FAM171A1: variants seen among roughly 807,000 people sequenced by gnomAD.
The protein encoded by FAM171A1 is protein FAM171A1.
A neutral mutation model predicts 74.9 loss-of-function variants in FAM171A1; 23 were observed. The observed-to-expected ratio is 0.31, with a 90% CI of 0.22 to 0.44. The LOEUF (loss-of-function observed/expected upper bound fraction) is 0.44. Ranked by LOEUF, FAM171A1 falls within the 20% of genes least tolerant of loss-of-function variation. The probability of loss-of-function intolerance (pLI) is 1.00; values close to 1 mark genes in which losing one functional copy is unlikely to be tolerated. For missense variants in FAM171A1, 1,162 were observed against 1,159.2 expected (o/e 1.00, Z -0.03); for synonymous variants, 527 against 505.7 (o/e 1.04, Z -0.57).
At chr10:15,285,412 G>C (rs553223386) in intron 1 of FAM171A1, among the ~76,000 whole-genome samples, 98 of 152,326 alleles carry the variant, frequency 6.4e-4, no homozygotes, top group Non-Finnish European at 3.1e-4. Context: ...TCAAATTTAT[G>C]TTACAGAAAC....
At chr10:15,312,606 T>G (rs1306257719) in intron 1 of FAM171A1, among the ~76,000 whole-genome samples, 2 of 149,616 alleles carry the variant, frequency 1.3e-5, no homozygotes, top group African/African-American at 4.9e-5. Flanking sequence ...CTGAACTGTT[T>G]GTTACTCTTT....
intron 1 of FAM171A1, among the ~76,000 whole-genome samples, chr10:15,298,034 A>G (rs185402554): frequency 8.5e-5 from 13 of 152,362 alleles, no homozygotes; most frequent in Admixed American, 6.5e-4. Flanking sequence ...TAATGTTCAC[A>G]AGCAAAATTA....
intron 3 of FAM171A1, among the ~76,000 whole-genome samples, chr10:15,259,159 C>T (rs1041817811): frequency 2.6e-5 from 4 of 152,204 alleles, no homozygotes; most frequent in Non-Finnish European, 5.9e-5. Flanking sequence ...CATCATTCTC[C>T]CTATCTATCA....
chr10:15,325,183 T>G (rs1272927757), intron 1 of FAM171A1, among the ~76,000 whole-genome samples: 1 of 152,188 alleles, frequency 6.6e-6, no homozygotes, highest in Non-Finnish European at 1.5e-5. Context: ...CAGCTGTTCT[T>G]TCTGAAGCAG....
At chr10:15,292,414 T>A (rs1017394655) in intron 1 of FAM171A1, among the ~76,000 whole-genome samples, 1 of 152,206 alleles carries the variant, frequency 6.6e-6, no homozygotes, top group African/African-American at 2.4e-5. Context: ...CCATCCCCAC[T>A]TTTTTGCTGA....
intron 3 of FAM171A1, among the ~76,000 whole-genome samples, chr10:15,256,702 G>C (rs764354976): frequency 6.6e-6 from 1 of 152,048 alleles, no homozygotes; most frequent in Non-Finnish European, 1.5e-5. Context: ...ATTTTCCCTC[G>C]ATGTTACAGA....
chr10:15,229,927 T>TCACCATCACCACCATCACCACCATCAC (rs1834182182), intron 5 of FAM171A1, among the ~76,000 whole-genome samples: 4 of 129,598 alleles, frequency 3.1e-5, no homozygotes, highest in African/African-American at 1.2e-4. Context: ...ACCAACATCA[T>TCACCATCACCACCATCACCACCATCAC]CATCATCACC....
intron 1 of FAM171A1, among the ~76,000 whole-genome samples, chr10:15,347,444 A>G (rs908232309): frequency 2.6e-5 from 4 of 152,232 alleles, no homozygotes; most frequent in Non-Finnish European, 5.9e-5. Context: ...CACAAACAGC[A>G]TCGGTAAGAC....
At chr10:15,315,589 A>T (rs796150248) in intron 1 of FAM171A1, among the ~76,000 whole-genome samples, 5 of 152,328 alleles carry the variant, frequency 3.3e-5, no homozygotes, top group African/African-American at 1.2e-4. Flanking sequence ...TAGCACTTGT[A>T]TCTGGGCAAA....
chr10:15,312,009 C>T (rs999173407), intron 1 of FAM171A1, among the ~76,000 whole-genome samples: 6 of 152,196 alleles, frequency 3.9e-5, no homozygotes, highest in African/African-American at 9.6e-5. Context: ...TTTTTAAAGA[C>T]AAGGAAGCTG....
Position 15,248,655 on chromosome 10 carries a change from C to A in FAM171A1, c.738G>T (p.Arg246=). 6.2e-7 allele frequency: 1 copy of A among 1,607,946 alleles called. No individual in the cohort carries two copies. Among genetic ancestry groups the A allele is most frequent in the Non-Finnish European group, 8.5e-7 (1 of 1,177,144 alleles). The change falls in exon 5 of 8, where the codon CGG becomes CGT. Residue 246 remains arginine, a synonymous_variant. Coordinates refer to ENST00000378116, the MANE Select transcript of FAM171A1 (RefSeq NM_001010924.2). ...LRHNAYVAAW[R]FDQKLGTWLK... is the part of the protein sequence containing the mutation. ...CTTGCTTACCCAGCTTCTGGTCAAA[C>A]CGCCACGCCGCGACATAGGCATTGT...
chr10:15,331,886 T>TATATATAG (rs1835642344), intron 1 of FAM171A1, among the ~76,000 whole-genome samples: 1 of 137,488 alleles, frequency 7.3e-6, no homozygotes, highest in Non-Finnish European at 1.6e-5. Context: ...TATACATATA[T>TATATATAG]ATATATATAT....
rs140194011 is a variant in FAM171A1 at position 15,327,884 on chromosome 10, C to T, written c.97+43072G>A. Among the ~76,000 whole-genome samples the T allele has an allele frequency of 4.0e-3, 599 of 149,896 alleles. 3 individuals carry two copies. Among genetic ancestry groups the T allele is most frequent in the South Asian group, 0.012 (54 of 4,692 alleles). Reference sequence around the variant, plus strand: ...TAAACCCTACCACCCCCGTGACACACAATTTACCCATATCACAAACCTGTA... The same window carrying T: ...TAAACCCTACCACCCCCGTGACACATAATTTACCCATATCACAAACCTGTA... On this transcript the variant is annotated intron_variant, in intron 1 of 7. Coordinates refer to ENST00000378116, the MANE Select transcript of FAM171A1 (RefSeq NM_001010924.2).
chr10:15,310,259 A>G (rs1336280774), intron 1 of FAM171A1, among the ~76,000 whole-genome samples: 1 of 152,208 alleles, frequency 6.6e-6, no homozygotes, highest in Admixed American at 6.5e-5. Context: ...TTTTTTATGT[A>G]TGGGATAATC....
intron 1 of FAM171A1, among the ~76,000 whole-genome samples, chr10:15,334,649 G>C (rs1443469170): frequency 6.6e-6 from 1 of 152,154 alleles, no homozygotes; most frequent in Non-Finnish European, 1.5e-5. Flanking sequence ...GAGGGACCCT[G>C]AGTTAAACAA....
chr10:15,215,941 A>G, intron 7 of FAM171A1, 55 bp downstream of exon 7: 1 of 1,180,214 alleles, frequency 8.5e-7, no homozygotes, highest in Non-Finnish European at 1.2e-6. Flanking sequence ...CTAAGTATCA[A>G]TTGCCCAAGA....
chr10:15,310,817 G>A (rs920470698), intron 1 of FAM171A1, among the ~76,000 whole-genome samples: 1 of 151,208 alleles, frequency 6.6e-6, no homozygotes, highest in Non-Finnish European at 1.5e-5. Flanking sequence ...ATGACAGAGC[G>A]AGACTCTGTC....
intron 1 of FAM171A1, among the ~76,000 whole-genome samples, chr10:15,308,679 C>A (rs902127215): frequency 6.6e-6 from 1 of 152,030 alleles, no homozygotes; most frequent in Non-Finnish European, 1.5e-5. Flanking sequence ...AAACAAACCC[C>A]AAAAAACAGG....
chr10:15,230,441 T>C (rs1298974203), intron 5 of FAM171A1, among the ~76,000 whole-genome samples: 1 of 152,350 alleles, frequency 6.6e-6, no homozygotes, highest in Middle Eastern at 3.4e-3. Context: ...CTCATAGCTG[T>C]AGGCAAGTAC....
Sources: gnomAD v4.1 joint callset for allele counts (sites outside exome capture counted in the v4.1 genomes callset) on GRCh38, gnomAD v4.1.1 for gene constraint, MANE v1.5 for transcripts, NCBI Gene and HGNC (gene_info 2026-07-23, HGNC 2026-07-21) for gene names.